Variants in TP53BP1 observed in about 807,000 individuals in gnomAD.
TP53BP1 encodes the protein TP53-binding protein 1.
A neutral mutation model predicts 200.8 loss-of-function variants in TP53BP1; 61 were observed. That is an observed-to-expected ratio of 0.30 (90% CI 0.25 to 0.38). TP53BP1 has a LOEUF of 0.38. Ranked by LOEUF, TP53BP1 falls within the 10% of genes least tolerant of loss-of-function variation. The pLI, the probability that TP53BP1 is intolerant of heterozygous loss-of-function variation, is 1.00. For missense variants in TP53BP1, 2,144 were observed against 2,371.9 expected (o/e 0.90, Z 2.00); for synonymous variants, 822 against 844.3 (o/e 0.97, Z 0.46).
Position 43,403,180 on chromosome 15 carries a change from A to G in TP53BP1, c.*4203T>C, listed in dbSNP as rs1443438747. ...CAATCTAGTTGGAAAAACAAGACAT[A>G]TATATATATATACATACAAAAATCA... On this transcript the variant is annotated 3_prime_UTR_variant, in exon 28 of 28. Coordinates refer to ENST00000382044, the MANE Select transcript of TP53BP1 (RefSeq NM_001141980.3). 3.3e-5 allele frequency: 5 copies of G among 151,508 alleles called. No homozygotes were observed. Among genetic ancestry groups the G allele is most frequent in the African/African-American group, 4.8e-5 (2 of 41,288 alleles). The allele number at this position is 151,508 out of a possible 1,614,324, so 9.4% of individuals were successfully genotyped here. A position where few individuals can be genotyped will look rare whatever the true frequency, so the allele number is the denominator to read the frequency against.
intron 11 of TP53BP1, 114 bp from the exon 12 acceptor site, chr15:43,457,332 T>C: frequency 1.0e-6 from 1 of 970,800 alleles, no homozygotes; most frequent in Non-Finnish European, 1.4e-6. Flanking sequence ...ATCAAATTTT[T>C]AAATTCATAT....
Position 43,466,003 on chromosome 15 carries a change from A to G in TP53BP1, c.1389+3855T>C, listed in dbSNP as rs569501191. Among the ~76,000 whole-genome samples the G allele has an allele frequency of 4.6e-5, 7 of 152,320 alleles. No individual in the cohort carries two copies. In the East Asian group the frequency reaches 1.3e-3, roughly 29 times the overall value. On this transcript the variant is annotated intron_variant, in intron 11 of 27. Transcript: ENST00000382044. ...ACTGGAAGTTGGAAGACAAAAGAGCAATGCCTTCAAAATCTTTAAAGGAAA... is the reference window on the plus strand; with the variant it reads ...ACTGGAAGTTGGAAGACAAAAGAGCGATGCCTTCAAAATCTTTAAAGGAAA...
chr15:43,404,245 G>T lies in TP53BP1; in HGVS notation c.*3138C>A. 1 of 704,390 alleles carries T rather than the reference G, an allele frequency of 1.4e-6. No homozygotes were observed. Among genetic ancestry groups the T allele is most frequent in the Non-Finnish European group, 2.3e-6 (1 of 434,984 alleles). 43.6% of individuals were successfully genotyped at this position (704,390 alleles called of 1,614,324 possible). ...TAGGAAGTCATGCATGTATGGATTT[G>T]GTACAAGTCATTTTAGGAACTAATA... is the stretch of plus-strand genomic sequence containing the variant. On this transcript the variant is annotated 3_prime_UTR_variant, in exon 28 of 28. Coordinates refer to ENST00000382044, the MANE Select transcript of TP53BP1 (RefSeq NM_001141980.3).
chr15:43,457,240 C>A, intron 11 of TP53BP1, 22 bp from the exon 12 acceptor site: 1 of 1,554,906 alleles, frequency 6.4e-7, no homozygotes. Context: ...CAGAAAGAGA[C>A]AAATTGTAAT....
At position 43,470,521 on chromosome 15, in the gene TP53BP1, T is replaced by C. The variant is rs1342978853; in HGVS notation, c.1181-455A>G. ...AATTCATATTTACGAACTGATTATA[T>C]TTGCATTAACAATTGCTAACTGCAG... On this transcript the variant is annotated intron_variant, in intron 10 of 27. Transcript: ENST00000382044. 2.0e-5 allele frequency among the ~76,000 whole-genome samples: 3 copies of C among 152,158 alleles called. 1 individual carries two copies.
intron 24 of TP53BP1, 41 bp from the exon 25 acceptor site, chr15:43,409,782 G>T (rs918221151): frequency 1.9e-6 from 2 of 1,072,558 alleles, no homozygotes; most frequent in Non-Finnish European, 2.6e-6. Context: ...TTACTGAGTG[G>T]TTTTCTTATT....
At chr15:43,448,366 C>CATAT (rs932376330) in intron 12 of TP53BP1, among the ~76,000 whole-genome samples, 1 of 151,988 alleles carries the variant, frequency 6.6e-6, no homozygotes, top group African/African-American at 2.4e-5. Flanking sequence ...CCTCTTAAAA[C>CATAT]TAATATATGA....
intron 12 of TP53BP1, among the ~76,000 whole-genome samples, chr15:43,452,055 A>G (rs2046182353): frequency 6.6e-6 from 1 of 152,170 alleles, no homozygotes; most frequent in African/African-American, 2.4e-5. Flanking sequence ...GAATCACTTG[A>G]ACCTGGGAGG....
At chr15:43,487,167 A>G (rs1222866909) in intron 4 of TP53BP1, among the ~76,000 whole-genome samples, 2 of 152,144 alleles carry the variant, frequency 1.3e-5, no homozygotes, top group African/African-American at 2.4e-5. Context: ...ATATGAAAAG[A>G]CATTTCCCTG....
At chr15:43,448,420 T>C (rs889245118) in intron 12 of TP53BP1, among the ~76,000 whole-genome samples, 25 of 152,194 alleles carry the variant, frequency 1.6e-4, no homozygotes, top group Non-Finnish European at 1.5e-5. Flanking sequence ...ATAACTATAA[T>C]CTGGCATACT....
chr15:43,403,677 G>A lies in TP53BP1; in HGVS notation c.*3706C>T, dbSNP rs769172991. ...TTTCCTAATGCCAACTCTGTTTCCC[G>A]GGTAGGTGTTTCACTGCCTGAATGA... On this transcript the variant is annotated 3_prime_UTR_variant, in exon 28 of 28. Coordinates refer to ENST00000382044, the MANE Select transcript of TP53BP1 (RefSeq NM_001141980.3). 8 of 1,605,140 alleles carry A rather than the reference G, an allele frequency of 5.0e-6. No individual in the cohort carries two copies. Among genetic ancestry groups the A allele is most frequent in the Admixed American group, 3.3e-5 (2 of 59,864 alleles).
rs1322545607 is a variant in TP53BP1, at chr15:43,404,989, G to C, written c.*2394C>G. 2 of 581,870 alleles carry C rather than the reference G, an allele frequency of 3.4e-6. No individual in the cohort carries two copies. Among genetic ancestry groups the C allele is most frequent in the Non-Finnish European group, 6.0e-6 (2 of 332,662 alleles). The allele number at this position is 581,870 out of a possible 1,614,324, so 36.0% of individuals were successfully genotyped here. On this transcript the variant is annotated 3_prime_UTR_variant, in exon 28 of 28. Coordinates refer to ENST00000382044, the MANE Select transcript of TP53BP1 (RefSeq NM_001141980.3). ...GTGGTAGCTGGCTTCCCAGAGGTCT[G>C]TCATTCCCATTCAGAAAATCACTTC...
intron 26 of TP53BP1, chr15:43,408,614 G>T: frequency 2.4e-6 from 1 of 414,692 alleles, no homozygotes; most frequent in Non-Finnish European, 4.5e-6. Context: ...ATGCTCCTGA[G>T]CCTATATATT....
intron 16 of TP53BP1, 142 bp from the exon 17 acceptor site, chr15:43,432,819 G>T: frequency 1.2e-6 from 1 of 868,758 alleles, no homozygotes; most frequent in Non-Finnish European, 1.7e-6. Flanking sequence ...AAGGGAGAAA[G>T]TCAGGTAGTC....
intron 13 of TP53BP1, 21 bp downstream of exon 13, chr15:43,447,345 C>A: frequency 6.3e-7 from 1 of 1,590,578 alleles, no homozygotes; most frequent in South Asian, 1.2e-5. Context: ...CCTTAAATAT[C>A]ATTACTTTTT....
chr15:43,457,012 C>G lies in TP53BP1; in HGVS notation c.1596G>C (p.Lys532Asn). ...TTCTGTGAGAACTCAAGCTCTCCAT[C>G]TTTGGGGACTGACTATATTCACTTG... Reference protein sequence around the residue: ...LSTSEYSQSPKMESLSSHRID... With the variant: ...LSTSEYSQSPNMESLSSHRID... The change falls in exon 12 of 28, where the codon AAG becomes AAC. Residue 532 changes from lysine to asparagine, a missense_variant. Coordinates refer to ENST00000382044, the MANE Select transcript of TP53BP1 (RefSeq NM_001141980.3). 6.2e-7 allele frequency: 1 copy of G among 1,614,206 alleles called. No individual in the cohort carries two copies. The highest frequency in any genetic ancestry group is 8.5e-7 in the Non-Finnish European group (1 of 1,180,042).
At chr15:43,458,662 C>A (rs967401141) in intron 11 of TP53BP1, among the ~76,000 whole-genome samples, 1 of 151,990 alleles carries the variant, frequency 6.6e-6, no homozygotes, top group Non-Finnish European at 1.5e-5. Flanking sequence ...TCCCTACAGT[C>A]CCAGCTACTC....
intron 12 of TP53BP1, among the ~76,000 whole-genome samples, chr15:43,452,313 C>A (rs535672315): frequency 1.4e-4 from 21 of 152,222 alleles, no homozygotes; most frequent in Admixed American, 3.9e-4. Context: ...TACCTGTAAT[C>A]CTGGCACTCT....
upstream of TP53BP1, among the ~76,000 whole-genome samples, chr15:43,493,350 G>C (rs557865357): frequency 2.0e-5 from 3 of 152,112 alleles, no homozygotes; most frequent in South Asian, 2.1e-4. Flanking sequence ...GGAGAATGAC[G>C]GTATCCTTGA....
Sources: gnomAD v4.1 joint callset for allele counts (sites outside exome capture counted in the v4.1 genomes callset) on GRCh38, gnomAD v4.1.1 for gene constraint, MANE v1.5 for transcripts, NCBI Gene and HGNC (gene_info 2026-07-23, HGNC 2026-07-21) for gene names.